The following SLC36A2 variants were observed in gnomAD, a reference collection of about 807,000 sequenced individuals.
The protein encoded by SLC36A2 is proton-coupled amino acid transporter 2.
A neutral mutation model predicts 42.7 loss-of-function variants in SLC36A2; 39 were observed. The ratio of observed to expected loss-of-function variants is 0.91; its 90% CI spans 0.71 to 1.19. The LOEUF is 1.19. Ranked by LOEUF, SLC36A2 falls within the 50% of genes most tolerant of loss-of-function variation. The pLI is 0.00. For synonymous variants in SLC36A2, 237 were observed against 240.8 expected (o/e 0.98, Z 0.15); for missense variants, 590 against 613.7 (o/e 0.96, Z 0.41).
chr5:151,344,845 G>A (rs1241425623), intron 1 of SLC36A2, among the ~76,000 whole-genome samples: 3 of 152,172 alleles, frequency 2.0e-5, no homozygotes, highest in Non-Finnish European at 2.9e-5. Context: ...TGAACACAGA[G>A]AAAAGGGGAA....
At chr5:151,334,970 A>G (rs1290419328) in intron 6 of SLC36A2, among the ~76,000 whole-genome samples, 1 of 152,056 alleles carries the variant, frequency 6.6e-6, no homozygotes, top group Non-Finnish European at 1.5e-5. Flanking sequence ...TGGGTAACGC[A>G]ATAACTTTTA....
At chr5:151,320,411 T>G (rs1205797453) in intron 9 of SLC36A2, among the ~76,000 whole-genome samples, 1 of 148,718 alleles carries the variant, frequency 6.7e-6, no homozygotes, top group East Asian at 2.0e-4. Flanking sequence ...AAAAAAGAAT[T>G]TCCTAAATTT....
At chr5:151,329,700 AAAC>A (rs1331810876) in intron 7 of SLC36A2, among the ~76,000 whole-genome samples, 4 of 152,250 alleles carry the variant, frequency 2.6e-5, no homozygotes, top group African/African-American at 4.8e-5. Flanking sequence ...AGATAACAGA[AAAC>A]AAACTCAGTA....
chr5:151,333,602 A>C (rs1756059510), intron 6 of SLC36A2, among the ~76,000 whole-genome samples: 1 of 152,126 alleles, frequency 6.6e-6, no homozygotes, highest in Non-Finnish European at 1.5e-5. Context: ...CAGTGGCTTA[A>C]CCTGTAATCC....
Position 151,325,292 on chromosome 5 carries a change from T to C in SLC36A2, c.1004A>G (p.Asn335Ser). 6.2e-7 allele frequency: 1 copy of C among 1,613,328 alleles called. No homozygotes were observed. The highest frequency in any genetic ancestry group is 1.1e-5 in the South Asian group (1 of 90,862). Reference protein sequence around the residue: ...IKASISLNLPNCWLYQSVKLL... With the variant: ...IKASISLNLPSCWLYQSVKLL... ...TGACAGCCCATGAAGATACCAGCAG[T>C]TAGGCAGGTTAAGGCTTATGCTGGC... is the stretch of plus-strand genomic sequence containing the variant. Residue 335 changes from asparagine to serine, a missense_variant, in exon 8 of 10, where the codon AAC (asparagine) becomes AGC (serine). Asn to Ser is a conservative substitution (Grantham distance 46, BLOSUM62 1). Transcript: ENST00000335244.
chr5:151,326,905 G>A lies in SLC36A2; in HGVS notation c.844-1453C>T, dbSNP rs1483883997. ...CAGTTCACTGCAACCTCTGCCTCCC[G>A]AGCTCAAGAGATCCCTCCCATCTCA... On this transcript the variant is annotated intron_variant, in intron 7 of 9. Coordinates refer to ENST00000335244, the MANE Select transcript of SLC36A2 (RefSeq NM_181776.3). 2.7e-5 allele frequency among the ~76,000 whole-genome samples: 4 copies of A among 148,660 alleles called. No individual in the cohort carries two copies. In the South Asian group the frequency reaches 6.4e-4, roughly 24 times the overall value.
intron 2 of SLC36A2, 92 bp from the exon 3 acceptor site, chr5:151,343,690 T>C: frequency 8.5e-7 from 1 of 1,174,052 alleles, no homozygotes; most frequent in Non-Finnish European, 1.3e-6. Context: ...GCTGATATCA[T>C]GCAGAACTCA....
intron 9 of SLC36A2, chr5:151,319,179 G>T (rs1580841811): frequency 9.4e-6 from 9 of 952,718 alleles, no homozygotes; most frequent in Non-Finnish European, 1.1e-5. Context: ...AGTTATCTTT[G>T]CTATTACTCC....
chr5:151,334,854 T>A (rs538186593), intron 6 of SLC36A2, among the ~76,000 whole-genome samples: 1 of 152,206 alleles, frequency 6.6e-6, no homozygotes, highest in African/African-American at 2.4e-5. Context: ...AACAAGACAC[T>A]TATTGAAAGC....
intron 8 of SLC36A2, among the ~76,000 whole-genome samples, chr5:151,324,442 C>T (rs1755794580): frequency 6.6e-6 from 1 of 152,092 alleles, no homozygotes; most frequent in Admixed American, 6.6e-5. Context: ...AAGTGATTCT[C>T]CTGCCTCAGC....
chr5:151,319,207 A>T, intron 9 of SLC36A2: 1 of 785,866 alleles, frequency 1.3e-6, no homozygotes, highest in Non-Finnish European at 1.5e-6. Flanking sequence ...TTACTCATAC[A>T]TGCTAATTGA....
At chr5:151,320,175 C>A (rs1755644249) in intron 9 of SLC36A2, among the ~76,000 whole-genome samples, 1 of 151,606 alleles carries the variant, frequency 6.6e-6, no homozygotes, top group African/African-American at 2.4e-5. Context: ...GGATTCTAAC[C>A]ATGAAAAAGT....
intron 6 of SLC36A2, 91 bp downstream of exon 6, chr5:151,335,238 A>G (rs889507531): frequency 9.9e-6 from 9 of 908,532 alleles, no homozygotes; most frequent in Non-Finnish European, 1.6e-5. Context: ...TTACCCACCT[A>G]CAGGGTTGGC....
intron 1 of SLC36A2, 102 bp from the exon 2 acceptor site, chr5:151,344,369 G>C: frequency 1.0e-6 from 1 of 970,804 alleles, no homozygotes; most frequent in Non-Finnish European, 1.6e-6. Context: ...CGGGCTCCTA[G>C]CCATCTCTCA....
At chr5:151,328,775 G>A (rs191399750) in intron 7 of SLC36A2, among the ~76,000 whole-genome samples, 1 of 152,334 alleles carries the variant, frequency 6.6e-6, no homozygotes, top group Admixed American at 6.5e-5. Flanking sequence ...GGGTTCCTTG[G>A]TGAAAGATGG....
At chr5:151,319,836 G>A (rs145375188) in intron 9 of SLC36A2, 3 of 152,500 alleles carry the variant, frequency 2.0e-5, no homozygotes, top group African/African-American at 7.2e-5. Flanking sequence ...AGATGCCCTC[G>A]AGGAATATGC....
chr5:151,321,850 G>T, intron 9 of SLC36A2, 196 bp downstream of exon 9: 1 of 593,280 alleles, frequency 1.7e-6, no homozygotes, highest in South Asian at 1.8e-5. Flanking sequence ...GTTAATTGTT[G>T]TATTTTTAGT....
chr5:151,327,632 G>A (rs1272098810), intron 7 of SLC36A2, among the ~76,000 whole-genome samples: 2 of 152,166 alleles, frequency 1.3e-5, no homozygotes, highest in South Asian at 2.1e-4. Context: ...ATTGTATGGA[G>A]AGCAGACAAT....
intron 4 of SLC36A2, among the ~76,000 whole-genome samples, chr5:151,341,968 C>T (rs1756359160): frequency 6.6e-6 from 1 of 152,196 alleles, no homozygotes; most frequent in Non-Finnish European, 1.5e-5. Flanking sequence ...CAGCTTGGTC[C>T]CAGCTACCAT....
Sources: gnomAD v4.1 joint callset for allele counts (sites outside exome capture counted in the v4.1 genomes callset) on GRCh38, gnomAD v4.1.1 for gene constraint, MANE v1.5 for transcripts, NCBI Gene and HGNC (gene_info 2026-07-23, HGNC 2026-07-21) for gene names.